ARHGAP24: variants seen among roughly 807,000 people sequenced by gnomAD.
ARHGAP24 encodes the protein rho GTPase-activating protein 24.
Under a neutral mutation model 76.4 loss-of-function variants are expected in ARHGAP24, and 50 were observed. The observed-to-expected ratio is 0.65, with a 90% confidence interval of 0.52 to 0.83. ARHGAP24 has a LOEUF of 0.83. ARHGAP24 is among the 40% of genes least tolerant of loss of function. The pLI is 0.00. For synonymous variants in ARHGAP24, 345 were observed against 323.3 expected, an observed-to-expected ratio of 1.07 and a Z score of -0.72; for missense variants, 930 against 914.2, an observed-to-expected ratio of 1.02 and a Z score of -0.22.
intron 2 of ARHGAP24, among the ~76,000 whole-genome samples, chr4:85,621,428 C>A (rs1446134812): frequency 6.6e-6 from 1 of 152,062 alleles, no homozygotes; most frequent in Non-Finnish European, 1.5e-5. Context: ...TTGCCAACAT[C>A]TGTTATATTT....
chr4:85,886,611 A>G (rs1733581777), intron 3 of ARHGAP24, among the ~76,000 whole-genome samples: 1 of 152,196 alleles, frequency 6.6e-6, no homozygotes, highest in Admixed American at 6.5e-5. Flanking sequence ...ATGGCACTTT[A>G]AAACCGATAC....
intron 1 of ARHGAP24, among the ~76,000 whole-genome samples, chr4:85,501,230 G>T (rs774866179): frequency 2.0e-5 from 3 of 152,164 alleles, no homozygotes; most frequent in South Asian, 2.1e-4. Context: ...AATCCTTTGG[G>T]TATACACCTG....
At chr4:85,949,221 C>T (rs1264214575) in intron 5 of ARHGAP24, among the ~76,000 whole-genome samples, 6 of 152,168 alleles carry the variant, frequency 3.9e-5, no homozygotes, top group Non-Finnish European at 1.5e-5. Flanking sequence ...GCAGACTCTG[C>T]CTGGTTCCAA....
At chr4:85,488,038 TG>T (rs976141427) in intron 1 of ARHGAP24, among the ~76,000 whole-genome samples, 2 of 150,058 alleles carry the variant, frequency 1.3e-5, no homozygotes, top group African/African-American at 4.9e-5. Flanking sequence ...CCTGAGTAGC[TG>T]GGGACTACAG....
At chr4:85,834,206 G>A (rs1285743507) in intron 3 of ARHGAP24, among the ~76,000 whole-genome samples, 1 of 152,066 alleles carries the variant, frequency 6.6e-6, no homozygotes, top group Non-Finnish European at 1.5e-5. Flanking sequence ...ATTAATGGGA[G>A]ATACAATAGG....
chr4:85,644,870 A>C (rs1026890174), intron 2 of ARHGAP24, among the ~76,000 whole-genome samples: 11 of 152,090 alleles, frequency 7.2e-5, no homozygotes, highest in African/African-American at 2.7e-4. Context: ...ATCTCATTAA[A>C]TTGTCATAGT....
rs570711437 is a variant in ARHGAP24, at chr4:85,578,151, G to A, written c.180+7430G>A. Among the ~76,000 whole-genome samples, 3 of 152,260 alleles carry A rather than the reference G, an allele frequency of 2.0e-5. No homozygotes were observed. The East Asian group carries it at 5.8e-4, about 29-fold the overall frequency. ...CCAAAATGCCTGCCTATCTGAAAAG[G>A]CATTCCGTGGCAGTCCTGCAACTCC... On this transcript the variant is annotated intron_variant, in intron 2 of 9. Transcript: ENST00000395184.
At chr4:85,758,729 A>G (rs1397198885) in intron 3 of ARHGAP24, among the ~76,000 whole-genome samples, 3 of 152,218 alleles carry the variant, frequency 2.0e-5, no homozygotes, top group African/African-American at 7.2e-5. Flanking sequence ...TGGCAAGGAC[A>G]AGATGAAGAC....
Position 85,895,178 on chromosome 4 carries a change from C to G in ARHGAP24, c.269-28470C>G, listed in dbSNP as rs182148136. Reference sequence around the variant, plus strand: ...AAGAACTTATCCATGTAACCAGAAACCACCTGTACCCCCAAAAAACTATTA... The same window carrying G: ...AAGAACTTATCCATGTAACCAGAAAGCACCTGTACCCCCAAAAAACTATTA... On this transcript the variant is annotated intron_variant, in intron 3 of 9. Coordinates refer to ENST00000395184, the MANE Select transcript of ARHGAP24 (RefSeq NM_001025616.3). 3.9e-3 allele frequency among the ~76,000 whole-genome samples: 588 copies of G among 151,930 alleles called. 4 individuals carry two copies. Among genetic ancestry groups the G allele is most frequent in the African/African-American group, 0.013 (536 of 41,434 alleles).
chr4:85,954,475 C>A (rs1737794894), intron 5 of ARHGAP24, among the ~76,000 whole-genome samples: 1 of 152,214 alleles, frequency 6.6e-6, no homozygotes, highest in Admixed American at 6.5e-5. Flanking sequence ...TGCTACACCC[C>A]TCTCTGAGCA....
chr4:85,655,766 C>CATATAT (rs370571889), intron 2 of ARHGAP24, among the ~76,000 whole-genome samples: 84 of 69,022 alleles, frequency 1.2e-3, no homozygotes, highest in African/African-American at 7.0e-3. Context: ...AGTGAGACTC[C>CATATAT]ATATATATAT....
intron 5 of ARHGAP24, among the ~76,000 whole-genome samples, chr4:85,954,370 G>C (rs1737786954): frequency 6.6e-6 from 1 of 152,110 alleles, no homozygotes. Flanking sequence ...AGCTCCTTTA[G>C]TAGTTATCTT....
At chr4:85,774,154 A>T (rs1302882777) in intron 3 of ARHGAP24, among the ~76,000 whole-genome samples, 1 of 152,186 alleles carries the variant, frequency 6.6e-6, no homozygotes, top group African/African-American at 2.4e-5. Flanking sequence ...ATGTGGCCGT[A>T]CTTGAAGTGT....
At chr4:85,556,124 C>A (rs565089218) in intron 1 of ARHGAP24, among the ~76,000 whole-genome samples, 17 of 151,986 alleles carry the variant, frequency 1.1e-4, no homozygotes, top group Non-Finnish European at 2.1e-4. Context: ...AAGCTTGGGG[C>A]CCGACTGGGT....
intron 1 of ARHGAP24, among the ~76,000 whole-genome samples, chr4:85,485,363 AAAAAAAAAAAAAAAT>A (rs1722991257): frequency 1.6e-5 from 1 of 60,908 alleles, no homozygotes; most frequent in Non-Finnish European, 2.8e-5. Flanking sequence ...AAAAAAAAAA[AAAAAAAAAAAAAAAT>A]ATATATATAT....
chr4:85,923,295 T>C (rs1444640058), intron 3 of ARHGAP24, among the ~76,000 whole-genome samples: 1 of 152,188 alleles, frequency 6.6e-6, no homozygotes, highest in Non-Finnish European at 1.5e-5. Flanking sequence ...TGGACCACTT[T>C]TCCACCTTCT....
At chr4:85,823,387 T>C (rs1729565025) in intron 3 of ARHGAP24, among the ~76,000 whole-genome samples, 1 of 152,172 alleles carries the variant, frequency 6.6e-6, no homozygotes, top group Non-Finnish European at 1.5e-5. Flanking sequence ...TGTGATTGCA[T>C]CATGGCATAT....
At chr4:85,729,200 A>G (rs1481398384) in intron 3 of ARHGAP24, among the ~76,000 whole-genome samples, 3 of 152,194 alleles carry the variant, frequency 2.0e-5, no homozygotes, top group African/African-American at 7.2e-5. Context: ...AATATGTGCA[A>G]ATCATTTAGA....
At chr4:85,865,119 T>A (rs1347875005) in intron 3 of ARHGAP24, among the ~76,000 whole-genome samples, 1 of 152,162 alleles carries the variant, frequency 6.6e-6, no homozygotes, top group Non-Finnish European at 1.5e-5. Flanking sequence ...TGCTGGTTCC[T>A]CTTGGAGAAC....
Sources: allele counts gnomAD v4.1 joint callset (sites outside exome capture counted in the v4.1 genomes callset), GRCh38; gene constraint gnomAD v4.1.1; transcripts MANE v1.5; gene names NCBI Gene and HGNC (gene_info 2026-07-23, HGNC 2026-07-21).